Variants in ROCK2 observed in about 807,000 individuals in gnomAD.
ROCK2 encodes Rho associated coiled-coil containing protein kinase 2, also known as rho-associated protein kinase 2.
A neutral mutation model predicts 195.1 loss-of-function variants in ROCK2; 61 were observed. That is an observed-to-expected ratio of 0.31 (90% CI 0.25 to 0.39). The LOEUF is 0.39. Ranked by LOEUF, ROCK2 falls within the 10% of genes least tolerant of loss-of-function variation. ROCK2 has a pLI of 1.00. For synonymous variants in ROCK2, 504 were observed against 545.5 expected (o/e 0.92, Z 1.06); for missense variants, 1,109 against 1,637.4 (o/e 0.68, Z 5.57).
chr2:11,206,506 C>A (rs1393385279), intron 20 of ROCK2, among the ~76,000 whole-genome samples: 2 of 152,130 alleles, frequency 1.3e-5, no homozygotes, highest in East Asian at 3.8e-4. Flanking sequence ...GATTACTGTT[C>A]CAATTTCTAG....
intron 1 of ROCK2, among the ~76,000 whole-genome samples, chr2:11,321,864 C>A (rs1256732440): frequency 6.6e-6 from 1 of 152,062 alleles, no homozygotes; most frequent in East Asian, 1.9e-4. Context: ...TCAACCTGCA[C>A]CCCAAAATTC....
chr2:11,335,820 T>C (rs1043068818), intron 1 of ROCK2, among the ~76,000 whole-genome samples: 7 of 152,110 alleles, frequency 4.6e-5, no homozygotes, highest in African/African-American at 1.2e-4. Flanking sequence ...AATAAAGCCA[T>C]GTGAGAACAA....
intron 5 of ROCK2, chr2:11,234,533 T>C (rs925627940): frequency 2.0e-5 from 3 of 152,078 alleles, no homozygotes; most frequent in African/African-American, 7.2e-5. Context: ...AGAGGGAGCT[T>C]TGGGTACAAT....
intron 32 of ROCK2, among the ~76,000 whole-genome samples, chr2:11,189,886 G>T (rs981257845): frequency 6.6e-6 from 1 of 151,944 alleles, no homozygotes; most frequent in Non-Finnish European, 1.5e-5. Context: ...ACCTACTCTG[G>T]GAGGCTGAGG....
chr2:11,299,307 G>A (rs1165657012), intron 1 of ROCK2, among the ~76,000 whole-genome samples: 1 of 150,764 alleles, frequency 6.6e-6, no homozygotes, highest in East Asian at 1.9e-4. Flanking sequence ...AATACCCCAA[G>A]ATCAAATCAT....
intron 4 of ROCK2, among the ~76,000 whole-genome samples, chr2:11,248,027 A>G (rs921123553): frequency 3.4e-5 from 5 of 148,852 alleles, no homozygotes; most frequent in South Asian, 2.1e-4. Context: ...GTCTCAAGGG[A>G]AAAAAAAAAA....
intron 4 of ROCK2, among the ~76,000 whole-genome samples, chr2:11,245,455 G>T (rs1665579418): frequency 6.6e-6 from 1 of 151,958 alleles, no homozygotes; most frequent in African/African-American, 2.4e-5. Flanking sequence ...TAAAACTGTG[G>T]TGAAAGAGAA....
At chr2:11,295,553 T>A (rs1264534115) in intron 1 of ROCK2, among the ~76,000 whole-genome samples, 1 of 152,178 alleles carries the variant, frequency 6.6e-6, no homozygotes, top group Non-Finnish European at 1.5e-5. Flanking sequence ...TTATATGGCT[T>A]CAATATTTTG....
chr2:11,218,414 C>A, intron 11 of ROCK2, 41 bp downstream of exon 11: 1 of 1,529,728 alleles, frequency 6.5e-7, no homozygotes, highest in Non-Finnish European at 8.9e-7. Flanking sequence ...GAGTGATGAG[C>A]TTTTCTCAGT....
intron 3 of ROCK2, among the ~76,000 whole-genome samples, chr2:11,275,332 C>G (rs1422195184): frequency 6.6e-6 from 1 of 152,056 alleles, no homozygotes; most frequent in African/African-American, 2.4e-5. Context: ...TATGGTCTCT[C>G]TCTCTCTTTC....
chr2:11,271,767 C>G (rs1248341945), intron 3 of ROCK2, among the ~76,000 whole-genome samples: 5 of 152,172 alleles, frequency 3.3e-5, no homozygotes, highest in Non-Finnish European at 5.9e-5. Flanking sequence ...GTGGCTCACG[C>G]CTGTAATCCC....
chr2:11,299,718 G>A (rs1158931234), intron 1 of ROCK2, among the ~76,000 whole-genome samples: 2 of 152,122 alleles, frequency 1.3e-5, no homozygotes, highest in Non-Finnish European at 2.9e-5. Context: ...AAGGACGCAC[G>A]CTTCTCTTTT....
rs936503548 is a variant in ROCK2 at position 11,344,535 on chromosome 2, G to C, written c.-399C>G. 32 of 977,072 alleles carry C rather than the reference G, an allele frequency of 3.3e-5. No homozygotes were observed. Among genetic ancestry groups the C allele is most frequent in the Non-Finnish European group, 3.6e-5 (30 of 824,290 alleles). The allele number at this position is 977,072 out of a possible 1,614,324, so 60.5% of individuals were successfully genotyped here. A position where few individuals can be genotyped will look rare whatever the true frequency, so the allele number is the denominator to read the frequency against. ...CCGGGAGGCTGAAGCCCAGGCCTGG[G>C]CCACTACGGCCGCCGCCGGCCCGCT... On this transcript the variant is annotated 5_prime_UTR_variant, in exon 1 of 33. Transcript: ENST00000315872. The surrounding 1 kb of genome is among the most constrained non-coding windows in gnomAD (Gnocchi z 5.4).
At chr2:11,255,738 G>A (rs1186254871) in intron 3 of ROCK2, among the ~76,000 whole-genome samples, 1 of 150,356 alleles carries the variant, frequency 6.7e-6, no homozygotes, top group Non-Finnish European at 1.5e-5. Flanking sequence ...TGGCCAACAT[G>A]GTGAAACCCC....
intron 3 of ROCK2, among the ~76,000 whole-genome samples, chr2:11,282,748 C>T (rs998689583): frequency 6.6e-6 from 1 of 151,886 alleles, no homozygotes; most frequent in Non-Finnish European, 1.5e-5. Flanking sequence ...GAACTGATAA[C>T]CTGAACTTCA....
chr2:11,200,885 A>G, intron 23 of ROCK2, 72 bp downstream of exon 23: 1 of 1,281,112 alleles, frequency 7.8e-7, no homozygotes, highest in South Asian at 1.7e-5. Context: ...TGTGATACTT[A>G]GTATGTCTAA....
intron 9 of ROCK2, among the ~76,000 whole-genome samples, chr2:11,220,662 C>T (rs1417808851): frequency 6.6e-6 from 1 of 152,140 alleles, no homozygotes; most frequent in African/African-American, 2.4e-5. Context: ...CCAATGTATG[C>T]TCACATTCCA....
chr2:11,230,966 A>G lies in ROCK2; in HGVS notation c.724-3568T>C, dbSNP rs374832533. Among the ~76,000 whole-genome samples, 12 of 152,286 alleles carry G rather than the reference A, an allele frequency of 7.9e-5. No individual in the cohort carries two copies. The East Asian group carries it at 2.1e-3, about 27-fold the overall frequency. On this transcript the variant is annotated intron_variant, in intron 5 of 32. Coordinates refer to ENST00000315872, the MANE Select transcript of ROCK2 (RefSeq NM_004850.5). ...TGTTTTCAGTAAATTCTCTGAATTT[A>G]TGATATTTTGGGCCATAATACATCA...
At chr2:11,218,349 G>A in intron 11 of ROCK2, 106 bp downstream of exon 11, 1 of 701,814 alleles carries the variant, frequency 1.4e-6, no homozygotes, top group Non-Finnish European at 2.3e-6. Flanking sequence ...TCTCTCTTGG[G>A]TAGATGTAGT....
Sources: allele counts gnomAD v4.1 joint callset (sites outside exome capture counted in the v4.1 genomes callset), GRCh38; gene constraint gnomAD v4.1.1; non-coding constraint Gnocchi (gnomAD v3.1); transcripts MANE v1.5; gene names NCBI Gene and HGNC (gene_info 2026-07-23, HGNC 2026-07-21).